Variants in COL13A1 observed in about 807,000 individuals in gnomAD.
COL13A1 encodes the protein collagen alpha-1(XIII) chain.
COL13A1 carries 89 observed loss-of-function variants against 130.9 expected under a neutral mutation model. That is an observed-to-expected ratio of 0.68 (90% CI 0.57 to 0.81). The LOEUF (loss-of-function observed/expected upper bound fraction) is 0.81, where lower values mean the gene tolerates loss of function less well. Ranked by LOEUF, COL13A1 falls within the 30% of genes least tolerant of loss-of-function variation. The pLI, the probability that COL13A1 is intolerant of heterozygous loss-of-function variation, is 0.00. For synonymous variants in COL13A1, 402 were observed against 341.6 expected (o/e 1.18, Z -1.95); for missense variants, 879 against 934.6 (o/e 0.94, Z 0.78).
chr10:69,851,711 G>A (rs1854885901), intron 2 of COL13A1, among the ~76,000 whole-genome samples: 1 of 152,116 alleles, frequency 6.6e-6, no homozygotes, highest in African/African-American at 2.4e-5. Context: ...CTGGAGTGCA[G>A]CAGTGCGATC....
chr10:69,929,061 C>G, intron 28 of COL13A1, 62 bp downstream of exon 28: 1 of 1,336,738 alleles, frequency 7.5e-7, no homozygotes, highest in Non-Finnish European at 1.1e-6. Context: ...CAGGGCTTCC[C>G]CTCCCCCTGT....
intron 34 of COL13A1, among the ~76,000 whole-genome samples, chr10:69,938,407 CT>C (rs2067220349): frequency 1.3e-5 from 2 of 152,190 alleles, no homozygotes; most frequent in Admixed American, 6.5e-5. Context: ...TCCATGCCCC[CT>C]AACCCTCCAC....
intron 3 of COL13A1, among the ~76,000 whole-genome samples, chr10:69,871,192 A>G (rs2059030297): frequency 6.6e-6 from 1 of 152,050 alleles, no homozygotes; most frequent in Admixed American, 6.5e-5. Flanking sequence ...GTTGAGCACT[A>G]AAGCTCTGGT....
intron 4 of COL13A1, 59 bp from the exon 5 acceptor site, chr10:69,875,069 C>T: frequency 2.5e-6 from 4 of 1,611,624 alleles, no homozygotes; most frequent in Non-Finnish European, 3.4e-6. Flanking sequence ...CTATAGGGTC[C>T]TTCACATGCT....
intron 17 of COL13A1, among the ~76,000 whole-genome samples, chr10:69,917,059 T>C (rs1356520191): frequency 6.6e-6 from 1 of 152,142 alleles, no homozygotes; most frequent in Non-Finnish European, 1.5e-5. Flanking sequence ...GGTAAGCCTC[T>C]CTGTCTGGGG....
chr10:69,852,655 C>T lies in COL13A1; in HGVS notation c.365-15143C>T, dbSNP rs556116983. On this transcript the variant is annotated intron_variant, in intron 2 of 40. Transcript: ENST00000645393. Reference sequence around the variant, plus strand: ...GGACCCAGGAAGTCCTCTGACGAGCCTTGCAGCCCCACGGAACCCCTGGTT... The same window carrying T: ...GGACCCAGGAAGTCCTCTGACGAGCTTTGCAGCCCCACGGAACCCCTGGTT... Among the ~76,000 whole-genome samples the T allele has an allele frequency of 3.9e-5, 6 of 152,254 alleles. No homozygotes were observed. In the South Asian group the frequency reaches 1.2e-3, roughly 31 times the overall value.
chr10:69,840,299 A>G (rs751034575), intron 2 of COL13A1, among the ~76,000 whole-genome samples: 2 of 152,152 alleles, frequency 1.3e-5, no homozygotes, highest in African/African-American at 4.8e-5. Context: ...AGACAGCGGC[A>G]TCGAAGGAGC....
chr10:69,904,791 C>A, intron 15 of COL13A1, 142 bp from the exon 16 acceptor site: 1 of 822,060 alleles, frequency 1.2e-6, no homozygotes, highest in Non-Finnish European at 1.9e-6. Context: ...TCCACTAGAG[C>A]TGTTGGCTAT....
At chr10:69,852,124 C>T (rs2133563161) in intron 2 of COL13A1, among the ~76,000 whole-genome samples, 1 of 152,286 alleles carries the variant, frequency 6.6e-6, no homozygotes, top group East Asian at 1.9e-4. Flanking sequence ...TCTTCATTAT[C>T]TAGGTTTCGA....
rs569981837 is a variant in COL13A1 at position 69,910,183 on chromosome 10, G to T, written c.921+4361G>T. 2.6e-5 allele frequency among the ~76,000 whole-genome samples: 4 copies of T among 152,052 alleles called. No homozygotes were observed. In the South Asian group the frequency reaches 6.2e-4, roughly 24 times the overall value. On this transcript the variant is annotated intron_variant, in intron 17 of 40. Transcript: ENST00000645393. ...TCTTTTATTCTCTCCTCCATGCTCT[G>T]CTCTCTGCTTGGAGTAAGGCCTACG...
At chr10:69,889,326 CA>C (rs774505750) in intron 9 of COL13A1, 87 bp from the exon 10 acceptor site, 160 of 895,278 alleles carry the variant, frequency 1.8e-4, no homozygotes, top group Non-Finnish European at 2.2e-4. Context: ...GGGAGGAGCA[CA>C]GGGGGCAGGG....
Position 69,918,288 on chromosome 10 carries a change from G to C in COL13A1, c.970G>C (p.Ala324Pro). 6.2e-7 allele frequency: 1 copy of C among 1,612,900 alleles called. No individual in the cohort carries two copies. Among genetic ancestry groups the C allele is most frequent in the South Asian group, 1.1e-5 (1 of 90,998 alleles). ...TTTTTTTTTCTCTCTCTGCCAGGGG[G>C]CGCCCGGAATTGCCGTGGCTGGGAT... ...GMPGKHGAKGAPGIAVAGMKG... is the reference protein window; with the variant it reads ...GMPGKHGAKGPPGIAVAGMKG... Residue 324 changes from alanine to proline, a missense_variant, in exon 19 of 41, where the codon GCG becomes CCG. Around this residue, in one of 3 missense-constraint regions of COL13A1, gnomAD observed 715 missense variants for 721.0 expected, o/e 0.99. Transcript: ENST00000645393.
chr10:69,817,830 C>T (rs780031946), intron 1 of COL13A1, among the ~76,000 whole-genome samples: 23 of 152,038 alleles, frequency 1.5e-4, no homozygotes, highest in Non-Finnish European at 2.9e-4. Flanking sequence ...TCCCTGGGGC[C>T]GGGGTGTTAG....
At chr10:69,845,654 G>A (rs1852832779) in intron 2 of COL13A1, among the ~76,000 whole-genome samples, 1 of 151,956 alleles carries the variant, frequency 6.6e-6, no homozygotes, top group East Asian at 1.9e-4. Context: ...AACATTTCTT[G>A]CCTCCCACAA....
chr10:69,887,612 A>T (rs550190964), intron 8 of COL13A1, 121 bp downstream of exon 8: 8 of 1,033,344 alleles, frequency 7.7e-6, no homozygotes, highest in Non-Finnish European at 1.2e-5. Context: ...GTCATTAAGG[A>T]CTTGCTTCTA....
intron 19 of COL13A1, 67 bp from the exon 20 acceptor site, chr10:69,918,995 A>T (rs995326629): frequency 2.5e-6 from 4 of 1,604,348 alleles, no homozygotes; most frequent in Non-Finnish European, 3.4e-6. Flanking sequence ...ACCTCCACCA[A>T]CAGGTGCCTT....
chr10:69,834,713 G>A (rs920447577), intron 2 of COL13A1, among the ~76,000 whole-genome samples: 17 of 152,126 alleles, frequency 1.1e-4, no homozygotes, highest in Non-Finnish European at 2.1e-4. Flanking sequence ...TTTGCCCTCC[G>A]GACAAGGCAG....
intron 37 of COL13A1, among the ~76,000 whole-genome samples, chr10:69,946,387 C>T (rs1190864598): frequency 5.9e-5 from 9 of 152,272 alleles, no homozygotes; most frequent in African/African-American, 2.2e-4. Context: ...GCTTCATGAG[C>T]GGAGCAGCTG....
intron 2 of COL13A1, among the ~76,000 whole-genome samples, chr10:69,824,336 C>G (rs1218959324): frequency 6.6e-6 from 1 of 152,236 alleles, no homozygotes; most frequent in Non-Finnish European, 1.5e-5. Flanking sequence ...ACATTTGTGG[C>G]CAGGCAGAGA....
Sources: allele counts gnomAD v4.1 joint callset (sites outside exome capture counted in the v4.1 genomes callset), GRCh38; gene constraint gnomAD v4.1.1; regional missense constraint gnomAD v4.1.1; transcripts MANE v1.5; gene names NCBI Gene and HGNC (gene_info 2026-07-23, HGNC 2026-07-21).